MSI2: variants seen among roughly 807,000 people sequenced by gnomAD.
MSI2 encodes RNA-binding protein Musashi homolog 2.
A neutral mutation model predicts 45.6 loss-of-function variants in MSI2; 17 were observed. That is an observed-to-expected ratio of 0.37 (90% CI 0.26 to 0.56). MSI2 has a LOEUF of 0.56. Ranked by LOEUF, MSI2 falls within the 20% of genes least tolerant of loss-of-function variation. MSI2 has a pLI of 0.77. For synonymous variants in MSI2, 156 were observed against 158.2 expected, an observed-to-expected ratio of 0.99 and a Z score of 0.11; for missense variants, 293 against 444.2, an observed-to-expected ratio of 0.66 and a Z score of 3.06.
chr17:57,549,165 G>A (rs886991967), intron 7 of MSI2, among the ~76,000 whole-genome samples: 1 of 152,168 alleles, frequency 6.6e-6, no homozygotes, highest in Non-Finnish European at 1.5e-5. Flanking sequence ...GTGAGCCGCC[G>A]GGCGCCGGCC....
At chr17:57,651,654 G>A (rs374165408) in intron 10 of MSI2, among the ~76,000 whole-genome samples, 2 of 152,346 alleles carry the variant, frequency 1.3e-5, no homozygotes, top group South Asian at 2.1e-4. Context: ...TCAAGAGGCC[G>A]TCCCAAGTGC....
At chr17:57,673,947 C>CT (rs911991022) in intron 11 of MSI2, among the ~76,000 whole-genome samples, 70 of 145,272 alleles carry the variant, frequency 4.8e-4, no homozygotes, top group Admixed American at 2.9e-3. Context: ...ACTTCTTTGT[C>CT]TTTTTTTTTT....
At chr17:57,418,987 A>G (rs1239983926) in intron 6 of MSI2, among the ~76,000 whole-genome samples, 3 of 152,202 alleles carry the variant, frequency 2.0e-5, no homozygotes, top group Admixed American at 2.0e-4. Flanking sequence ...GAAAAACTCA[A>G]TTTGATGCAA....
intron 5 of MSI2, among the ~76,000 whole-genome samples, chr17:57,318,666 C>T (rs187657043): frequency 2.2e-3 from 334 of 152,128 alleles, no homozygotes; most frequent in Non-Finnish European, 2.8e-3. Flanking sequence ...GCGGAGGGTC[C>T]CGGGGAGAAA....
intron 5 of MSI2, among the ~76,000 whole-genome samples, chr17:57,380,405 G>A (rs577236403): frequency 1.3e-5 from 2 of 152,252 alleles, no homozygotes; most frequent in South Asian, 4.1e-4. Flanking sequence ...GTTTCTAAGC[G>A]GCGGCTTCTG....
intron 7 of MSI2, among the ~76,000 whole-genome samples, chr17:57,540,664 G>T (rs1469282788): frequency 6.6e-6 from 1 of 152,160 alleles, no homozygotes; most frequent in South Asian, 2.1e-4. Context: ...TCAGAGGCAG[G>T]GACAGGGGCA....
rs34727727 is a variant in MSI2, at chr17:57,512,968, C to CTTTTTTTTTTTTT, written c.406-16703_406-16691dup. ...ATATTGCACATGAATTAGCTTCTTC[C>CTTTTTTTTTTTTT]TTTTTTTTTTTTTTTTTCCTTCTGA... On this transcript the variant is annotated intron_variant, in intron 6 of 13. Coordinates refer to ENST00000284073, the MANE Select transcript of MSI2 (RefSeq NM_138962.4). Among the ~76,000 whole-genome samples, 46 of 114,720 alleles carry CTTTTTTTTTTTTT rather than the reference C, an allele frequency of 4.0e-4. 6 individuals carry two copies. The highest frequency in any genetic ancestry group is 4.2e-4 in the African/African-American group (12 of 28,828). 75.3% of individuals were successfully genotyped at this position (114,720 alleles called of 152,430 possible).
At chr17:57,276,168 A>G (rs926335131) in intron 5 of MSI2, among the ~76,000 whole-genome samples, 2 of 152,186 alleles carry the variant, frequency 1.3e-5, no homozygotes, top group African/African-American at 2.4e-5. Flanking sequence ...CCATGTCATC[A>G]TTGCTATTCT....
chr17:57,286,584 C>T (rs139119068), intron 5 of MSI2, among the ~76,000 whole-genome samples: 11 of 152,058 alleles, frequency 7.2e-5, no homozygotes, highest in Admixed American at 3.9e-4. Context: ...TTGTGCTTCT[C>T]GGAGGTGACC....
intron 10 of MSI2, among the ~76,000 whole-genome samples, chr17:57,636,190 G>C (rs1567951873): frequency 6.6e-6 from 1 of 152,128 alleles, no homozygotes; most frequent in Non-Finnish European, 1.5e-5. Context: ...CTTGGATGTG[G>C]AAATCAGAGT....
At chr17:57,473,377 G>T (rs940291041) in intron 6 of MSI2, among the ~76,000 whole-genome samples, 1 of 152,218 alleles carries the variant, frequency 6.6e-6, no homozygotes, top group Non-Finnish European at 1.5e-5. Context: ...CCCAAAGAGA[G>T]ATTTATTTCA....
At chr17:57,574,027 C>T (rs1052045052) in intron 7 of MSI2, among the ~76,000 whole-genome samples, 2 of 152,154 alleles carry the variant, frequency 1.3e-5, no homozygotes, top group African/African-American at 4.8e-5. Flanking sequence ...GAATATGGCT[C>T]ATCCTAGAGG....
chr17:57,557,165 A>G (rs760970101), intron 7 of MSI2, among the ~76,000 whole-genome samples: 1 of 152,228 alleles, frequency 6.6e-6, no homozygotes, highest in Non-Finnish European at 1.5e-5. Context: ...GTACACGGAA[A>G]TATCACCTTC....
chr17:57,272,396 C>A (rs1225890017), intron 5 of MSI2, among the ~76,000 whole-genome samples: 1 of 152,124 alleles, frequency 6.6e-6, no homozygotes, highest in Non-Finnish European at 1.5e-5. Context: ...GAACACCAAA[C>A]CAAGAGTGTG....
chr17:57,526,952 C>T (rs1431506518), intron 6 of MSI2, among the ~76,000 whole-genome samples: 2 of 152,172 alleles, frequency 1.3e-5, no homozygotes, highest in African/African-American at 4.8e-5. Context: ...CCCCCACGCT[C>T]ACCAGGGTGG....
chr17:57,580,963 T>TATCTCATTTAATCCCCATGCC (rs2088185678), intron 7 of MSI2, among the ~76,000 whole-genome samples: 1 of 148,872 alleles, frequency 6.7e-6, no homozygotes, highest in Admixed American at 6.8e-5. Context: ...GAACTAGCAT[T>TATCTCATTTAATCCCCATGCC]ATCTCATTTA....
chr17:57,678,899 C>T (rs1403998020), intron 13 of MSI2, among the ~76,000 whole-genome samples: 2 of 152,370 alleles, frequency 1.3e-5, no homozygotes, highest in East Asian at 3.9e-4. Context: ...ACATTCAGCG[C>T]CATCCACAAA....
intron 8 of MSI2, among the ~76,000 whole-genome samples, chr17:57,607,533 C>T (rs1906744354): frequency 6.6e-6 from 1 of 152,214 alleles, no homozygotes; most frequent in Non-Finnish European, 1.5e-5. Context: ...ACACGCTGGT[C>T]CCTGTCCACA....
the MSI2 span, among the ~76,000 whole-genome samples, chr17:57,700,187 G>A: frequency 3.3e-5 from 5 of 152,184 alleles, no homozygotes; most frequent in Non-Finnish European, 5.9e-5. Flanking sequence ...GTGTGTTTAT[G>A]GGCTCCTGTG....
Sources: allele counts gnomAD v4.1 joint callset (sites outside exome capture counted in the v4.1 genomes callset), GRCh38; gene constraint gnomAD v4.1.1; transcripts MANE v1.5; gene names NCBI Gene and HGNC (gene_info 2026-07-23, HGNC 2026-07-21).